EYA2: variants seen among roughly 807,000 people sequenced by gnomAD.
EYA2 encodes the protein EYA transcriptional coactivator and phosphatase 2, also known as protein phosphatase EYA2.
Under a neutral mutation model 69.2 loss-of-function variants are expected in EYA2, and 31 were observed. The ratio of observed to expected loss-of-function variants is 0.45; its 90% CI spans 0.34 to 0.60. The LOEUF (loss-of-function observed/expected upper bound fraction) is 0.60. Ranked by LOEUF, EYA2 falls within the 20% of genes least tolerant of loss-of-function variation. The pLI, the probability that EYA2 is intolerant of heterozygous loss-of-function variation, is 0.02. For synonymous variants in EYA2, 257 were observed against 279.4 expected (o/e 0.92, Z 0.80); for missense variants, 622 against 701.2 (o/e 0.89, Z 1.28).
At chr20:47,000,055 A>G (rs1982262043) in intron 2 of EYA2, among the ~76,000 whole-genome samples, 1 of 151,812 alleles carries the variant, frequency 6.6e-6, no homozygotes, top group African/African-American at 2.4e-5. Context: ...CTGGGTTCAG[A>G]TCACAGATCC....
chr20:47,045,581 G>A (rs1600666605), intron 5 of EYA2, among the ~76,000 whole-genome samples: 1 of 152,180 alleles, frequency 6.6e-6, no homozygotes, highest in Non-Finnish European at 1.5e-5. Context: ...AGTAACTGGA[G>A]CACAGTGCTT....
At chr20:46,952,920 T>C (rs374542939) in intron 1 of EYA2, among the ~76,000 whole-genome samples, 1 of 152,234 alleles carries the variant, frequency 6.6e-6, no homozygotes, top group Non-Finnish European at 1.5e-5. Context: ...TCAGGAGTCG[T>C]TGCACATCTA....
chr20:47,045,010 G>A (rs773477545), intron 5 of EYA2, among the ~76,000 whole-genome samples: 2 of 152,162 alleles, frequency 1.3e-5, no homozygotes, highest in African/African-American at 2.4e-5. Flanking sequence ...ACTGTAACTG[G>A]GCCTGGGGAA....
chr20:46,914,439 A>G (rs544414060), intron 1 of EYA2, among the ~76,000 whole-genome samples: 8 of 152,312 alleles, frequency 5.3e-5, no homozygotes, highest in African/African-American at 1.9e-4. Context: ...TGGGTAATTT[A>G]TAAAGGAAAG....
At chr20:47,097,711 C>T (rs1329550854) in intron 9 of EYA2, among the ~76,000 whole-genome samples, 2 of 152,140 alleles carry the variant, frequency 1.3e-5, no homozygotes, top group African/African-American at 4.8e-5. Flanking sequence ...TTGGCTGAAT[C>T]GTGGTGGATG....
chr20:47,008,971 C>T (rs553953068), intron 4 of EYA2, among the ~76,000 whole-genome samples: 30 of 152,260 alleles, frequency 2.0e-4, no homozygotes, highest in Non-Finnish European at 3.7e-4. Context: ...AACTACTCAG[C>T]TCTGCCATTG....
In EYA2 at chr20:47,088,899, C is replaced by T. The variant is rs983137107; in HGVS notation, c.662-340C>T. ...CCCCTGACTTGTTAATTCTCTGTGG[C>T]ACATTTCCCTCCCGGGCTTGGTGTA... is the stretch of plus-strand genomic sequence containing the variant. On this transcript the variant is annotated intron_variant, in intron 7 of 15. Coordinates refer to ENST00000327619, the MANE Select transcript of EYA2 (RefSeq NM_005244.5). Among the ~76,000 whole-genome samples, 32 of 152,184 alleles carry T rather than the reference C, an allele frequency of 2.1e-4. 1 individual carries two copies. Among genetic ancestry groups the T allele is most frequent in the East Asian group, 3.9e-4 (2 of 5,186 alleles).
intron 1 of EYA2, among the ~76,000 whole-genome samples, chr20:46,984,695 C>A (rs529891507): frequency 1.3e-5 from 2 of 152,238 alleles, no homozygotes; most frequent in East Asian, 3.9e-4. Flanking sequence ...AAGTTCAGTT[C>A]ACATATACTC....
rs772113561 is a variant in EYA2 at position 47,182,628 on chromosome 20, TA to T, written c.1436-647del. The stretch of plus-strand genomic sequence containing the variant: ...TGGGCAACAAGAACGAGACTCCGTC[TA>T]AAAAAAAAAAAAAAAGGTTAAGATG... On this transcript the variant is annotated intron_variant, in intron 14 of 15. Transcript: ENST00000327619. Among the ~76,000 whole-genome samples the T allele has an allele frequency of 2.5e-3, 213 of 84,310 alleles. 4 individuals are homozygous for T. The highest frequency in any genetic ancestry group is 5.8e-3 in the South Asian group (14 of 2,422). The allele number at this position is 84,310 out of a possible 152,430, so 55.3% of individuals were successfully genotyped here. A position where few individuals can be genotyped will look rare whatever the true frequency, so the allele number is the denominator to read the frequency against.
chr20:47,048,464 G>A (rs118061990), intron 5 of EYA2, among the ~76,000 whole-genome samples: 1,688 of 152,310 alleles, frequency 0.011, 17 homozygotes, highest in Admixed American at 0.019. Flanking sequence ...CAGGCCGGGT[G>A]CAGTGGCCCA....
chr20:47,017,144 C>T (rs576846282), intron 5 of EYA2, among the ~76,000 whole-genome samples: 3 of 152,346 alleles, frequency 2.0e-5, no homozygotes, highest in South Asian at 4.2e-4. Flanking sequence ...AAGAACCCTT[C>T]TCTGTTCTGG....
chr20:46,904,602 GAA>G (rs1007910885), intron 1 of EYA2, among the ~76,000 whole-genome samples: 1 of 151,838 alleles, frequency 6.6e-6, no homozygotes, highest in African/African-American at 2.4e-5. Flanking sequence ...TAATGGGAAG[GAA>G]AAAAATGAGG....
chr20:47,133,855 C>T (rs1051244575), intron 9 of EYA2, among the ~76,000 whole-genome samples: 5 of 152,172 alleles, frequency 3.3e-5, no homozygotes, highest in Admixed American at 1.3e-4. Flanking sequence ...CATAGGCATG[C>T]GACACCTAAG....
At chr20:47,102,349 AGT>A (rs756626241) in intron 9 of EYA2, among the ~76,000 whole-genome samples, 2 of 152,164 alleles carry the variant, frequency 1.3e-5, no homozygotes, top group Non-Finnish European at 2.9e-5. Context: ...AACCAAATAG[AGT>A]GAGAGAGGGA....
chr20:47,085,675 A>G (rs2031872942), intron 7 of EYA2, among the ~76,000 whole-genome samples: 1 of 152,110 alleles, frequency 6.6e-6, no homozygotes, highest in Non-Finnish European at 1.5e-5. Context: ...GAAATGAAGT[A>G]TCGATAAACA....
At chr20:46,950,152 A>G (rs1308953065) in intron 1 of EYA2, among the ~76,000 whole-genome samples, 1 of 152,202 alleles carries the variant, frequency 6.6e-6, no homozygotes, top group African/African-American at 2.4e-5. Context: ...GGACAGGGCA[A>G]GGGTTTCTCC....
At chr20:47,110,482 A>C (rs2032718382) in intron 9 of EYA2, among the ~76,000 whole-genome samples, 1 of 152,070 alleles carries the variant, frequency 6.6e-6, no homozygotes, top group Admixed American at 6.5e-5. Flanking sequence ...CTTAAATCCC[A>C]AAGTGCTGTG....
At chr20:47,102,402 G>A (rs2032450119) in intron 9 of EYA2, among the ~76,000 whole-genome samples, 8 of 152,234 alleles carry the variant, frequency 5.3e-5, no homozygotes, top group Admixed American at 5.2e-4. Flanking sequence ...CCTTCCAGAA[G>A]AGTATGAAGG....
intron 5 of EYA2, among the ~76,000 whole-genome samples, chr20:47,017,206 C>T (rs1483704621): frequency 6.6e-6 from 1 of 152,172 alleles, no homozygotes; most frequent in Non-Finnish European, 1.5e-5. Context: ...GGGCTGGTGG[C>T]TGTAATTATG....
Sources: allele counts gnomAD v4.1 joint callset (sites outside exome capture counted in the v4.1 genomes callset), GRCh38; gene constraint gnomAD v4.1.1; transcripts MANE v1.5; gene names NCBI Gene and HGNC (gene_info 2026-07-23, HGNC 2026-07-21).